Variants in PTPRD observed in about 807,000 individuals in gnomAD.
PTPRD encodes receptor-type tyrosine-protein phosphatase delta.
A neutral mutation model predicts 214.5 loss-of-function variants in PTPRD; 34 were observed. That is an observed-to-expected ratio of 0.16 (90% confidence interval 0.12 to 0.21). The LOEUF is 0.21. Among genes scored for constraint, PTPRD ranks in the 10% least tolerant of loss-of-function variants. The pLI, the probability that PTPRD is intolerant of heterozygous loss-of-function variation, is 1.00. For missense variants in PTPRD, 2,545 were observed against 2,398.7 expected (o/e 1.06, Z -1.27); for synonymous variants, 1,128 against 845.7 (o/e 1.33, Z -5.79).
At chr9:8,616,692 C>T (rs866181441) in intron 14 of PTPRD, among the ~76,000 whole-genome samples, 31 of 152,232 alleles carry the variant, frequency 2.0e-4, no homozygotes, top group African/African-American at 6.3e-4. Context: ...ACAATAGATA[C>T]CCTACTTTCA....
rs911485283 is a variant in PTPRD at position 10,162,634 on chromosome 9, T to G, written c.-544-128844A>C. 2.7e-5 allele frequency among the ~76,000 whole-genome samples: 4 copies of G among 148,422 alleles called. No homozygotes were observed. In the Admixed American group the frequency reaches 2.7e-4, roughly 10 times the overall value. On this transcript the variant is annotated intron_variant, in intron 3 of 45. Coordinates refer to ENST00000381196, the MANE Select transcript of PTPRD (RefSeq NM_002839.4). Reference sequence around the variant, plus strand: ...ACGTATATACACATATATACATGTATATAAACATATATATACACATATATA... The same window carrying G: ...ACGTATATACACATATATACATGTAGATAAACATATATATACACATATATA...
chr9:8,683,671 T>C (rs1209772717), intron 12 of PTPRD, among the ~76,000 whole-genome samples: 1 of 152,206 alleles, frequency 6.6e-6, no homozygotes, highest in African/African-American at 2.4e-5. Flanking sequence ...GTGGGGAGTC[T>C]ATTCCCTCCA....
chr9:9,541,715 G>C (rs2077618389), intron 8 of PTPRD, among the ~76,000 whole-genome samples: 6 of 151,962 alleles, frequency 3.9e-5, no homozygotes, highest in Admixed American at 2.6e-4. Context: ...TATGCTGATG[G>C]CTAGGACAGA....
At chr9:8,343,814 A>C (rs1017290172) in intron 39 of PTPRD, among the ~76,000 whole-genome samples, 3 of 152,042 alleles carry the variant, frequency 2.0e-5, no homozygotes, top group Admixed American at 6.6e-5. Context: ...TAAGTAAACA[A>C]ATTAGTGACT....
At chr9:10,084,320 T>C (rs1410462667) in intron 3 of PTPRD, among the ~76,000 whole-genome samples, 1 of 151,984 alleles carries the variant, frequency 6.6e-6, no homozygotes, top group East Asian at 1.9e-4. Context: ...AGTTACTATG[T>C]TGGAAATCTA....
At chr9:9,216,930 T>C (rs1173393382) in intron 9 of PTPRD, among the ~76,000 whole-genome samples, 3 of 152,012 alleles carry the variant, frequency 2.0e-5, no homozygotes, top group Admixed American at 2.0e-4. Flanking sequence ...ATTATTTCTA[T>C]TTTTTTTCTA....
chr9:10,037,290 G>A (rs2097202290), intron 3 of PTPRD, among the ~76,000 whole-genome samples: 1 of 152,116 alleles, frequency 6.6e-6, no homozygotes, highest in Non-Finnish European at 1.5e-5. Context: ...GGTGGGAGGT[G>A]ATTGTATCAG....
rs539846509 is a variant in PTPRD, at chr9:9,479,526, C to A, written c.-236-82044G>T. Among the ~76,000 whole-genome samples the A allele has an allele frequency of 8.9e-4, 135 of 152,158 alleles. 1 individual carries two copies. The highest frequency in any genetic ancestry group is 3.4e-3 in the Middle Eastern group (1 of 292). On this transcript the variant is annotated intron_variant, in intron 8 of 45. Transcript: ENST00000381196. ...TTACAAGGTAGGCAGTATTTCTATG[C>A]CAATTTTACAAGTACTAAAAACAAG...
At chr9:9,671,650 G>A (rs1026028335) in intron 7 of PTPRD, among the ~76,000 whole-genome samples, 15 of 152,076 alleles carry the variant, frequency 9.9e-5, no homozygotes, top group Admixed American at 3.3e-4. Context: ...CCCCCATACT[G>A]TTCTCATGGT....
chr9:10,435,020 C>T (rs2098708185), intron 2 of PTPRD, among the ~76,000 whole-genome samples: 1 of 151,858 alleles, frequency 6.6e-6, no homozygotes, highest in South Asian at 2.1e-4. Flanking sequence ...AAATACGAAA[C>T]ACTAAACTGC....
intron 25 of PTPRD, among the ~76,000 whole-genome samples, chr9:8,498,745 T>C (rs1419681319): frequency 6.6e-6 from 1 of 152,202 alleles, no homozygotes; most frequent in Non-Finnish European, 1.5e-5. Context: ...CTCATCACCA[T>C]TTGACACAGC....
chr9:9,431,605 G>C (rs1039743116), intron 8 of PTPRD, among the ~76,000 whole-genome samples: 1 of 152,056 alleles, frequency 6.6e-6, no homozygotes. Context: ...ACATGCACAC[G>C]TAAGTTTATT....
chr9:9,482,253 A>G (rs2095446293), intron 8 of PTPRD, among the ~76,000 whole-genome samples: 1 of 152,190 alleles, frequency 6.6e-6, no homozygotes. Flanking sequence ...GATATTTGAG[A>G]AAAAAGTAAG....
intron 5 of PTPRD, among the ~76,000 whole-genome samples, chr9:9,791,823 C>G (rs975646988): frequency 6.6e-6 from 1 of 152,080 alleles, no homozygotes; most frequent in African/African-American, 2.4e-5. Context: ...TATAAGCTAT[C>G]CAATTTCTAA....
At chr9:10,201,815 T>C (rs2099426067) in intron 3 of PTPRD, among the ~76,000 whole-genome samples, 1 of 152,080 alleles carries the variant, frequency 6.6e-6, no homozygotes, top group African/African-American at 2.4e-5. Flanking sequence ...TAAGAACAAA[T>C]ACATTGAAAA....
chr9:8,949,205 C>G (rs952067660), intron 11 of PTPRD, among the ~76,000 whole-genome samples: 2 of 135,524 alleles, frequency 1.5e-5, no homozygotes, highest in African/African-American at 2.8e-5. Context: ...GCCTGGGCAA[C>G]AGAGCGAGAC....
chr9:10,597,197 G>C (rs1478085180), intron 2 of PTPRD, among the ~76,000 whole-genome samples: 1 of 151,378 alleles, frequency 6.6e-6, no homozygotes, highest in African/African-American at 2.4e-5. Context: ...GGACATAAAA[G>C]GGTTCCAAAA....
At chr9:8,474,186 T>C (rs34704859) in intron 30 of PTPRD, among the ~76,000 whole-genome samples, 15,683 of 152,116 alleles carry the variant, frequency 0.1, 847 homozygotes, top group South Asian at 0.14. Context: ...TCTCTTGCTT[T>C]TGTAGTAACA....
At chr9:10,397,926 ATTG>A (rs1173111223) in intron 2 of PTPRD, among the ~76,000 whole-genome samples, 2 of 152,000 alleles carry the variant, frequency 1.3e-5, no homozygotes, top group African/African-American at 4.8e-5. Context: ...CTCAGAATGT[ATTG>A]TTGTCATTAA....
Sources: allele counts gnomAD v4.1 joint callset (sites outside exome capture counted in the v4.1 genomes callset), GRCh38; gene constraint gnomAD v4.1.1; transcripts MANE v1.5; gene names NCBI Gene and HGNC (gene_info 2026-07-23, HGNC 2026-07-21).